Variants in DCC observed in about 807,000 individuals in gnomAD.
The protein encoded by DCC is DCC netrin 1 receptor, also known as netrin receptor DCC.
In DCC, 58 loss-of-function variants were observed where a neutral mutation model predicts 172.5. The ratio of observed to expected loss-of-function variants is 0.34; its 90% CI spans 0.27 to 0.42. The LOEUF (loss-of-function observed/expected upper bound fraction) is 0.42. Ranked by LOEUF, DCC falls within the 10% of genes least tolerant of loss-of-function variation. DCC has a pLI of 1.00. For synonymous variants in DCC, 709 were observed against 644.5 expected (o/e 1.10, Z -1.52); for missense variants, 1,740 against 1,791.0 (o/e 0.97, Z 0.51).
At chr18:53,287,960 G>T (rs2144742367) in intron 12 of DCC, among the ~76,000 whole-genome samples, 1 of 152,158 alleles carries the variant, frequency 6.6e-6, no homozygotes, top group East Asian at 1.9e-4. Flanking sequence ...AAGTTTAGAA[G>T]ATTTATTGGT....
chr18:53,243,912 C>T (rs2144643529), intron 12 of DCC, among the ~76,000 whole-genome samples: 1 of 152,246 alleles, frequency 6.6e-6, no homozygotes, highest in African/African-American at 2.4e-5. Flanking sequence ...AAAAAGCAAG[C>T]TTATGAACTG....
chr18:52,359,192 G>A (rs28695786), intron 1 of DCC, among the ~76,000 whole-genome samples: 51 of 152,272 alleles, frequency 3.3e-4, no homozygotes, highest in African/African-American at 1.1e-3. Flanking sequence ...TTACTGCAGA[G>A]AGATGTCTGT....
chr18:52,593,696 T>C (rs572367941), intron 1 of DCC, among the ~76,000 whole-genome samples: 63 of 152,286 alleles, frequency 4.1e-4, no homozygotes, highest in Middle Eastern at 3.4e-3. Flanking sequence ...CAATGCTCTG[T>C]CATGTGTGGG....
chr18:52,821,162 A>G (rs1489024603), intron 2 of DCC, among the ~76,000 whole-genome samples: 1 of 152,194 alleles, frequency 6.6e-6, no homozygotes, highest in Non-Finnish European at 1.5e-5. Flanking sequence ...AGAAAAAAGA[A>G]TGCTGTCATT....
At chr18:53,362,663 A>G (rs2057960623) in intron 15 of DCC, among the ~76,000 whole-genome samples, 1 of 152,174 alleles carries the variant, frequency 6.6e-6, no homozygotes, top group South Asian at 2.1e-4. Flanking sequence ...TCTTTTCTGA[A>G]TAGGCTATCA....
chr18:52,603,274 T>C (rs542863073), intron 1 of DCC, among the ~76,000 whole-genome samples: 1 of 152,136 alleles, frequency 6.6e-6, no homozygotes, highest in African/African-American at 2.4e-5. Flanking sequence ...GTGGTTCTAG[T>C]CCCAAATCTA....
intron 7 of DCC, among the ~76,000 whole-genome samples, chr18:53,140,053 G>A (rs149023305): frequency 6.6e-6 from 1 of 152,170 alleles, no homozygotes; most frequent in Non-Finnish European, 1.5e-5. Context: ...CAGATGAATA[G>A]ATAGATAAAT....
chr18:53,224,472 G>C (rs139794481), intron 12 of DCC, among the ~76,000 whole-genome samples: 279 of 152,238 alleles, frequency 1.8e-3, no homozygotes, highest in African/African-American at 6.5e-3. Flanking sequence ...TGAAAGGAGA[G>C]TAATCAGATT....
At chr18:53,354,320 T>A (rs1346626964) in intron 15 of DCC, among the ~76,000 whole-genome samples, 1 of 152,200 alleles carries the variant, frequency 6.6e-6, no homozygotes, top group East Asian at 1.9e-4. Context: ...TAGTTCTAGA[T>A]CCCTGAGGAA....
At chr18:52,708,085 C>T (rs1440741193) in intron 1 of DCC, among the ~76,000 whole-genome samples, 1 of 152,060 alleles carries the variant, frequency 6.6e-6, no homozygotes, top group East Asian at 1.9e-4. Flanking sequence ...ATACATATGT[C>T]CAAAACATCA....
At chr18:53,237,227 A>C (rs1440604081) in intron 12 of DCC, 5 of 154,184 alleles carry the variant, frequency 3.2e-5, no homozygotes, top group East Asian at 1.9e-4. Flanking sequence ...TAAACAATGC[A>C]AAGCCTATAG....
At chr18:53,486,657 G>A in intron 25 of DCC, 140 bp from the exon 26 acceptor site, 1 of 1,064,156 alleles carries the variant, frequency 9.4e-7, no homozygotes, top group Non-Finnish European at 1.4e-6. Flanking sequence ...GATTGGTGGA[G>A]AGAGGTAAGT....
intron 2 of DCC, among the ~76,000 whole-genome samples, chr18:52,877,189 G>T (rs1340376811): frequency 6.6e-5 from 10 of 152,056 alleles, no homozygotes. Context: ...TGTATGTTGT[G>T]GTAGACCATC....
chr18:52,753,898 C>G (rs765192826), intron 2 of DCC, among the ~76,000 whole-genome samples: 3 of 151,368 alleles, frequency 2.0e-5, no homozygotes, highest in Non-Finnish European at 4.4e-5. Flanking sequence ...CAAAACCTGT[C>G]TTTTTTTTTA....
At chr18:53,395,910 T>TG (rs1319741380) in intron 17 of DCC, among the ~76,000 whole-genome samples, 1 of 152,196 alleles carries the variant, frequency 6.6e-6, no homozygotes, top group African/African-American at 2.4e-5. Context: ...CCCAAAGTGC[T>TG]GGGATTACAG....
At chr18:53,199,058 T>C (rs1462653798) in intron 9 of DCC, among the ~76,000 whole-genome samples, 1 of 148,734 alleles carries the variant, frequency 6.7e-6, no homozygotes, top group Non-Finnish European at 1.5e-5. Context: ...ATTCCCATTG[T>C]TAAAAATTTT....
At chr18:52,558,467 G>T (rs765384629) in intron 1 of DCC, among the ~76,000 whole-genome samples, 1 of 152,078 alleles carries the variant, frequency 6.6e-6, no homozygotes, top group Non-Finnish European at 1.5e-5. Flanking sequence ...ATTTATGGGT[G>T]AAAGATTACT....
chr18:53,512,897 A>C (rs969143385), intron 27 of DCC, among the ~76,000 whole-genome samples: 1 of 152,200 alleles, frequency 6.6e-6, no homozygotes, highest in Admixed American at 6.5e-5. Context: ...GCAGGATATT[A>C]TCCAGGAGAA....
At chr18:52,805,638 AAGTCTACC>A (rs1222849132) in intron 2 of DCC, among the ~76,000 whole-genome samples, 3 of 152,234 alleles carry the variant, frequency 2.0e-5, no homozygotes, top group Admixed American at 1.3e-4. Context: ...CCTTGATTTA[AAGTCTACC>A]AAAGAAACTA....
Sources: gnomAD v4.1 joint callset for allele counts (sites outside exome capture counted in the v4.1 genomes callset) on GRCh38, gnomAD v4.1.1 for gene constraint, MANE v1.5 for transcripts, NCBI Gene and HGNC (gene_info 2026-07-23, HGNC 2026-07-21) for gene names.